Variants in COLEC10 observed in about 807,000 individuals in gnomAD.
COLEC10 encodes collectin-10.
Under a neutral mutation model 28.4 loss-of-function variants are expected in COLEC10, and 22 were observed. The ratio of observed to expected loss-of-function variants is 0.78; its 90% CI spans 0.55 to 1.11. The LOEUF (loss-of-function observed/expected upper bound fraction) is 1.11. Among genes scored for constraint, COLEC10 ranks in the 50% least tolerant of loss-of-function variants. The pLI is 0.00. For synonymous variants in COLEC10, 125 were observed against 116.1 expected (o/e 1.08, Z -0.49); for missense variants, 361 against 344.1 (o/e 1.05, Z -0.39).
At chr8:119,045,836 T>C (rs931282847) in intron 2 of COLEC10, among the ~76,000 whole-genome samples, 6 of 152,208 alleles carry the variant, frequency 3.9e-5, no homozygotes, top group Admixed American at 2.0e-4. Flanking sequence ...AATAACTAGT[T>C]TCAGACAGTT....
At chr8:118,959,394 C>CTA in the COLEC10 span, among the ~76,000 whole-genome samples, 90,755 of 151,802 alleles carry the variant, frequency 0.6, 27,508 homozygotes, top group East Asian at 0.75. Flanking sequence ...TATTCATTTG[C>CTA]TAGTTTTGTC....
chr8:119,092,344 T>TTA (rs1427410994), intron 3 of COLEC10, among the ~76,000 whole-genome samples: 2 of 152,102 alleles, frequency 1.3e-5, no homozygotes, highest in African/African-American at 4.8e-5. Context: ...TATGCTGGGA[T>TTA]TACAGGCATG....
intron 2 of COLEC10, among the ~76,000 whole-genome samples, chr8:119,021,666 T>C (rs536405432): frequency 2.0e-5 from 3 of 152,308 alleles, no homozygotes; most frequent in Admixed American, 2.0e-4. Context: ...CACTGTTAAA[T>C]AGAGGAATGT....
At chr8:118,964,728 A>G in the COLEC10 span, among the ~76,000 whole-genome samples, 42 of 152,326 alleles carry the variant, frequency 2.8e-4, no homozygotes, top group Non-Finnish European at 3.8e-4. Flanking sequence ...TTCAACTATT[A>G]TAATTGTCTT....
intron 1 of COLEC10, among the ~76,000 whole-genome samples, chr8:118,997,140 G>C (rs911087418): frequency 6.6e-6 from 1 of 152,066 alleles, no homozygotes; most frequent in Admixed American, 6.5e-5. Context: ...TCAGATTTTT[G>C]TTTTCCTCAG....
chr8:119,079,362 T>C (rs536017529), intron 1 of COLEC10, among the ~76,000 whole-genome samples: 6 of 152,170 alleles, frequency 3.9e-5, no homozygotes, highest in Non-Finnish European at 8.8e-5. Context: ...TCCCATACCC[T>C]TTCAGTGATG....
chr8:119,006,210 T>C (rs574723125), intron 1 of COLEC10, among the ~76,000 whole-genome samples: 107 of 152,194 alleles, frequency 7.0e-4, no homozygotes, highest in Non-Finnish European at 1.2e-4. Context: ...ATCAGACTAA[T>C]GGTGTAAGTG....
chr8:119,022,732 ACTGGCTGCCTCCCC>A lies in COLEC10; in HGVS notation n.235+13180_235+13193del. The stretch of plus-strand genomic sequence containing the variant: ...TCTTGCATAATACCCAGTCCCCTCC[ACTGGCTGCCTCCCC>A]AGCTCAGTAGTCACAGTAATCCTTT... On this transcript the variant is annotated intron_variant and non_coding_transcript_variant, in intron 2 of 6. Coordinates refer to the COLEC10 transcript ENST00000521788. Among the ~76,000 whole-genome samples, 3 of 152,058 alleles carry A rather than the reference ACTGGCTGCCTCCCC, an allele frequency of 2.0e-5. No individual in the cohort carries two copies. The East Asian group carries it at 5.8e-4, about 29-fold the overall frequency.
chr8:119,102,950 C>G (rs1815867830), intron 4 of COLEC10, among the ~76,000 whole-genome samples: 2 of 152,094 alleles, frequency 1.3e-5, no homozygotes, highest in Non-Finnish European at 2.9e-5. Flanking sequence ...GAAGACAATT[C>G]TAAGAACTTT....
intron 1 of COLEC10, among the ~76,000 whole-genome samples, chr8:119,072,902 A>G (rs1216440461): frequency 1.3e-5 from 2 of 152,168 alleles, no homozygotes; most frequent in Non-Finnish European, 2.9e-5. Context: ...GCCATCCACT[A>G]TTTTACTGGA....
chr8:119,020,015 G>A (rs1012143549), intron 2 of COLEC10, among the ~76,000 whole-genome samples: 1 of 152,172 alleles, frequency 6.6e-6, no homozygotes, highest in Non-Finnish European at 1.5e-5. Context: ...TCCAGATCAT[G>A]CATCGTCTCC....
Position 119,072,358 on chromosome 8 carries a change from T to A in COLEC10, c.148+4929T>A, listed in dbSNP as rs374831683. ...CTGTGTGAGTGCTTGACAACCATGT[T>A]TAAATTTAATTATTTCAATGGACTT... On this transcript the variant is annotated intron_variant, in intron 1 of 5. Transcript: ENST00000332843. Among the ~76,000 whole-genome samples the A allele has an allele frequency of 3.3e-5, 5 of 151,760 alleles. No individual in the cohort carries two copies. The East Asian group carries it at 7.7e-4, about 23-fold the overall frequency.
At chr8:119,102,690 T>G (rs934936547) in intron 4 of COLEC10, 3 of 309,924 alleles carry the variant, frequency 9.7e-6, no homozygotes, top group Admixed American at 4.7e-5. Context: ...GAGAAAACTC[T>G]GGCAGTAAGC....
chr8:119,042,680 G>T (rs374416683), intron 2 of COLEC10, among the ~76,000 whole-genome samples: 1 of 152,164 alleles, frequency 6.6e-6, no homozygotes, highest in Non-Finnish European at 1.5e-5. Flanking sequence ...TTTGAATTCT[G>T]ACTCTGCCAC....
chr8:119,067,268 G>A lies in COLEC10; in HGVS notation c.-14G>A. The A allele has an allele frequency of 6.2e-7, 1 of 1,612,382 alleles. No homozygotes were observed. The highest frequency in any genetic ancestry group is 8.5e-7 in the Non-Finnish European group (1 of 1,179,308). ...TGGCATTTCTGGGAGACCCTTTTCT[G>A]AGGAACCACAGCAATGAATGGCTTT... On this transcript the variant is annotated 5_prime_UTR_variant, in exon 1 of 6. Coordinates refer to ENST00000332843, the MANE Select transcript of COLEC10 (RefSeq NM_006438.5).
upstream of COLEC10, among the ~76,000 whole-genome samples, chr8:119,062,781 T>C (rs1436564849): frequency 1.3e-5 from 2 of 152,130 alleles, no homozygotes; most frequent in African/African-American, 2.4e-5. Flanking sequence ...TGCCTAGCCT[T>C]GATTTTTTAA....
At chr8:118,959,318 C>A in the COLEC10 span, among the ~76,000 whole-genome samples, 123 of 152,164 alleles carry the variant, frequency 8.1e-4, no homozygotes, top group Non-Finnish European at 1.6e-3. Context: ...CCTTTGTAGA[C>A]TGAAAACAAT....
intron 2 of COLEC10, among the ~76,000 whole-genome samples, chr8:119,059,482 T>G (rs567103709): frequency 6.6e-6 from 1 of 152,210 alleles, no homozygotes; most frequent in East Asian, 1.9e-4. Flanking sequence ...TTAGTTGTCT[T>G]GGTACCTCTG....
the COLEC10 span, among the ~76,000 whole-genome samples, chr8:118,971,062 T>A: frequency 9.2e-5 from 14 of 152,096 alleles, no homozygotes; most frequent in East Asian, 9.7e-4. Flanking sequence ...CCCCTAGGTA[T>A]ACTGAATCTT....
Sources: allele counts gnomAD v4.1 joint callset (sites outside exome capture counted in the v4.1 genomes callset), GRCh38; gene constraint gnomAD v4.1.1; transcripts MANE v1.5; gene names NCBI Gene and HGNC (gene_info 2026-07-23, HGNC 2026-07-21).